The following LRRC63 variants were observed in gnomAD, a reference collection of about 807,000 sequenced individuals.
LRRC63 encodes the protein leucine rich repeat containing 63.
LRRC63 carries 40 observed loss-of-function variants against 49.5 expected under a neutral mutation model. The ratio of observed to expected loss-of-function variants is 0.81; its 90% confidence interval spans 0.63 to 1.05. The LOEUF (loss-of-function observed/expected upper bound fraction) is 1.05, where lower values mean the gene tolerates loss of function less well. Among genes scored for constraint, LRRC63 ranks in the 50% least tolerant of loss-of-function variants. The probability of loss-of-function intolerance (pLI) is 0.00; values close to 1 mark genes in which losing one functional copy is unlikely to be tolerated. For missense variants in LRRC63, 636 were observed against 663.1 expected (o/e 0.96, Z 0.45); for synonymous variants, 191 against 221.1 (o/e 0.86, Z 1.21).
intron 6 of LRRC63, 105 bp from the exon 7 acceptor site, chr13:46,250,240 ATTAATGTTGC>A (rs2047340980): frequency 1.1e-6 from 1 of 929,524 alleles, no homozygotes; most frequent in Non-Finnish European, 1.6e-6. Context: ...GATATAGCCA[ATTAATGTTGC>A]TATAATGATT....
At chr13:46,245,975 T>A (rs2047200840) in intron 5 of LRRC63, among the ~76,000 whole-genome samples, 1 of 152,194 alleles carries the variant, frequency 6.6e-6, no homozygotes, top group African/African-American at 2.4e-5. Flanking sequence ...AATGGTAATC[T>A]CCAGTGTTGA....
At chr13:46,240,569 A>G (rs1005578826) in intron 5 of LRRC63, among the ~76,000 whole-genome samples, 1 of 152,176 alleles carries the variant, frequency 6.6e-6, no homozygotes, top group African/African-American at 2.4e-5. Flanking sequence ...GCATGATCCC[A>G]TGTCTAGAAA....
exon 3 of LRRC63, chr13:46,227,585 A>G: frequency 6.5e-7 from 1 of 1,549,780 alleles, no homozygotes; most frequent in Non-Finnish European, 8.7e-7. Flanking sequence ...AAATGGATAG[A>G]ACTCGTTTTC....
chr13:46,250,218 A>G (rs1030439371), intron 6 of LRRC63, 137 bp from the exon 7 acceptor site: 2 of 713,332 alleles, frequency 2.8e-6, no homozygotes, highest in Non-Finnish European at 4.4e-6. Context: ...GAGGGTGTTT[A>G]CTGAGTTACA....
chr13:46,246,468 A>G (rs2138505516), intron 5 of LRRC63, 59 bp from the exon 6 acceptor site: 3 of 764,734 alleles, frequency 3.9e-6, no homozygotes, highest in Non-Finnish European at 5.7e-6. Context: ...TTACTCTTGT[A>G]TAAACTATTT....
chr13:46,230,272 T>C (rs2046708820), intron 4 of LRRC63, among the ~76,000 whole-genome samples: 1 of 152,134 alleles, frequency 6.6e-6, no homozygotes, highest in South Asian at 2.1e-4. Flanking sequence ...AAGTGCAAAG[T>C]CTCACGTGAG....
At chr13:46,229,101 T>C (rs1475540371) in intron 4 of LRRC63, among the ~76,000 whole-genome samples, 1 of 152,044 alleles carries the variant, frequency 6.6e-6, no homozygotes, top group African/African-American at 2.4e-5. Context: ...CTACAAACAA[T>C]CTCTCAAATA....
intron 8 of LRRC63, among the ~76,000 whole-genome samples, chr13:46,265,920 C>T (rs1022501911): frequency 6.6e-6 from 1 of 152,180 alleles, no homozygotes; most frequent in African/African-American, 2.4e-5. Context: ...TTGTTGATCA[C>T]ATTTTAATGT....
At chr13:46,258,649 A>C (rs2047563107) in intron 7 of LRRC63, among the ~76,000 whole-genome samples, 1 of 150,792 alleles carries the variant, frequency 6.6e-6, no homozygotes. Flanking sequence ...CTCTACTAAA[A>C]ATACAAAAAT....
chr13:46,247,870 A>G (rs1393349093), intron 6 of LRRC63, among the ~76,000 whole-genome samples: 1 of 152,136 alleles, frequency 6.6e-6, no homozygotes, highest in African/African-American at 2.4e-5. Context: ...CTATATACAT[A>G]TACTTGGTCT....
intron 5 of LRRC63, among the ~76,000 whole-genome samples, chr13:46,236,199 A>C (rs2046899658): frequency 6.6e-6 from 1 of 152,110 alleles, no homozygotes. Flanking sequence ...ACCAACATAC[A>C]TTTAATGGGG....
At chr13:46,217,348 T>C (rs891862779) in intron 2 of LRRC63, among the ~76,000 whole-genome samples, 1 of 152,196 alleles carries the variant, frequency 6.6e-6, no homozygotes, top group Admixed American at 6.5e-5. Flanking sequence ...GGAGGGTGTA[T>C]GTGTCCAGAA....
At chr13:46,227,252 T>C (rs2046602766) in intron 2 of LRRC63, among the ~76,000 whole-genome samples, 2 of 152,222 alleles carry the variant, frequency 1.3e-5, no homozygotes. Flanking sequence ...CCCTTCTCTC[T>C]ACCAATTCTG....
intron 7 of LRRC63, among the ~76,000 whole-genome samples, chr13:46,260,691 GAC>G (rs1204769625): frequency 1.3e-5 from 2 of 152,154 alleles, no homozygotes; most frequent in African/African-American, 4.8e-5. Flanking sequence ...AAAATGAAAA[GAC>G]AATGATCAGA....
intron 2 of LRRC63, among the ~76,000 whole-genome samples, chr13:46,223,081 A>G (rs1299609918): frequency 4.1e-5 from 6 of 146,196 alleles, no homozygotes; most frequent in African/African-American, 1.5e-4. Flanking sequence ...GGAGGGGGGA[A>G]GGATAGCATT....
chr13:46,224,916 C>T (rs986990299), intron 2 of LRRC63, among the ~76,000 whole-genome samples: 24 of 152,202 alleles, frequency 1.6e-4, no homozygotes, highest in Admixed American at 1.2e-3. Context: ...GTGCTGGGGA[C>T]AGGCCCCAAG....
At position 46,246,516 on chromosome 13, in the gene LRRC63, C is replaced by CT. The variant is rs1199614241; in HGVS notation, c.991-8dup. ...GTGATTAACACCTTATCTCTTGTCA[C>CT]TTTCTTTTAGGGCTTTTTTATCCTA... On this transcript the variant is annotated splice_polypyrimidine_tract_variant and intron_variant, in intron 5 of 9. Coordinates refer to ENST00000595396, the Ensembl canonical transcript of LRRC63. 1.4e-6 allele frequency: 2 copies of CT among 1,394,330 alleles called. No homozygotes were observed. The highest frequency in any genetic ancestry group is 1.9e-6 in the Non-Finnish European group (2 of 1,059,822). 86.4% of individuals were successfully genotyped at this position (1,394,330 alleles called of 1,614,324 possible).
intron 8 of LRRC63, among the ~76,000 whole-genome samples, chr13:46,263,888 C>T (rs1384100638): frequency 1.3e-5 from 2 of 152,210 alleles, no homozygotes; most frequent in Non-Finnish European, 2.9e-5. Context: ...CACCTGGAAC[C>T]TGGCCGTGTC....
intron 7 of LRRC63, among the ~76,000 whole-genome samples, chr13:46,261,135 T>C (rs2047607127): frequency 6.6e-6 from 1 of 152,208 alleles, no homozygotes; most frequent in Non-Finnish European, 1.5e-5. Context: ...AGAGTGTTTG[T>C]ATTCTTTGGT....
Sources: gnomAD v4.1 joint callset for allele counts (sites outside exome capture counted in the v4.1 genomes callset) on GRCh38, gnomAD v4.1.1 for gene constraint, MANE v1.5 for transcripts, NCBI Gene and HGNC (gene_info 2026-07-23, HGNC 2026-07-21) for gene names.